Variants in SLC14A2 observed in about 807,000 individuals in gnomAD.
SLC14A2 encodes the protein solute carrier family 14 member 2, also known as urea transporter 2.
Under a neutral mutation model 104.6 loss-of-function variants are expected in SLC14A2, and 91 were observed. The ratio of observed to expected loss-of-function variants is 0.87; its 90% confidence interval spans 0.73 to 1.04. SLC14A2 has a LOEUF of 1.04. Ranked by LOEUF, SLC14A2 falls within the 50% of genes least tolerant of loss-of-function variation. The pLI is 0.00. For missense variants in SLC14A2, 1,189 were observed against 1,156.0 expected (o/e 1.03, Z -0.41); for synonymous variants, 476 against 466.4 (o/e 1.02, Z -0.27).
At position 45,422,912 on chromosome 18, in the gene SLC14A2, C is replaced by T. The variant is rs180897419; in HGVS notation, c.-124-60321C>T. 4.1e-3 allele frequency among the ~76,000 whole-genome samples: 631 copies of T among 152,220 alleles called. 2 individuals carry two copies. Among genetic ancestry groups the T allele is most frequent in the Non-Finnish European group, 8.0e-3 (542 of 68,010 alleles). ...ACTGCTGTCACATGTAGGCTTAGCC[C>T]GGCTCCCTCAGTGCTAATTTCTGCT... On this transcript the variant is annotated intron_variant, in intron 1 of 20. Coordinates refer to the SLC14A2 transcript ENST00000586448.
chr18:45,518,395 G>A (rs1392904816), intron 2 of SLC14A2, among the ~76,000 whole-genome samples: 1 of 76,034 alleles, frequency 1.3e-5, no homozygotes, highest in African/African-American at 4.3e-5. Flanking sequence ...GATAGCATTT[G>A]TCTTCATTCA....
chr18:45,268,735 G>T (rs961380537), intron 1 of SLC14A2, among the ~76,000 whole-genome samples: 1 of 150,042 alleles, frequency 6.7e-6, no homozygotes, highest in Non-Finnish European at 1.5e-5. Context: ...ATGGAGAAGG[G>T]TAGAGAGCTG....
chr18:45,439,434 A>G (rs2086648405), intron 1 of SLC14A2, among the ~76,000 whole-genome samples: 1 of 135,334 alleles, frequency 7.4e-6, no homozygotes, highest in African/African-American at 2.7e-5. Flanking sequence ...CATGCTATGT[A>G]TATATTCTGA....
At chr18:45,559,091 T>G (rs932030589) in intron 2 of SLC14A2, among the ~76,000 whole-genome samples, 1 of 152,082 alleles carries the variant, frequency 6.6e-6, no homozygotes, top group Non-Finnish European at 1.5e-5. Flanking sequence ...ACCTGGCCCC[T>G]TTGAGTTTCT....
intron 2 of SLC14A2, among the ~76,000 whole-genome samples, chr18:45,509,082 T>A (rs1447883358): frequency 6.6e-6 from 1 of 152,072 alleles, no homozygotes; most frequent in Non-Finnish European, 1.5e-5. Context: ...TAGCCAGTGG[T>A]ATTGCAAGCC....
At chr18:45,646,228 G>A (rs904833827) in intron 10 of SLC14A2, 3 of 152,204 alleles carry the variant, frequency 2.0e-5, no homozygotes, top group Non-Finnish European at 2.9e-5. Flanking sequence ...AAGAAAAACT[G>A]ATGACCCTTC....
chr18:45,374,885 T>A (rs2085757877), intron 1 of SLC14A2, among the ~76,000 whole-genome samples: 1 of 152,188 alleles, frequency 6.6e-6, no homozygotes, highest in Admixed American at 6.5e-5. Context: ...TGGCCATTTG[T>A]GAGTTAAGCT....
intron 1 of SLC14A2, among the ~76,000 whole-genome samples, chr18:45,623,792 A>AT (rs1568302690): frequency 1.3e-5 from 2 of 152,172 alleles, no homozygotes; most frequent in Non-Finnish European, 2.9e-5. Flanking sequence ...AGCAATGGGG[A>AT]AAGCTCTAGG....
chr18:45,366,018 A>C (rs897866660), intron 1 of SLC14A2, among the ~76,000 whole-genome samples: 1 of 152,060 alleles, frequency 6.6e-6, no homozygotes, highest in Admixed American at 6.6e-5. Flanking sequence ...AATCAACTTC[A>C]ATAAACTTAG....
intron 1 of SLC14A2, among the ~76,000 whole-genome samples, chr18:45,228,268 A>G (rs904815048): frequency 1.3e-5 from 2 of 152,230 alleles, no homozygotes; most frequent in African/African-American, 2.4e-5. Flanking sequence ...TGGTCAAATT[A>G]CTGTGACAGT....
intron 1 of SLC14A2, among the ~76,000 whole-genome samples, chr18:45,465,116 G>A (rs1035679181): frequency 2.6e-5 from 4 of 152,134 alleles, no homozygotes; most frequent in African/African-American, 9.7e-5. Flanking sequence ...ACCAGCTAAA[G>A]AGAGAAAAAA....
intron 1 of SLC14A2, among the ~76,000 whole-genome samples, chr18:45,289,782 A>G (rs2084851333): frequency 6.6e-6 from 1 of 152,178 alleles, no homozygotes; most frequent in African/African-American, 2.4e-5. Context: ...TCCTATAAGA[A>G]GTGCCAATGT....
At chr18:45,628,455 AAAAAG>A (rs1196041136) in intron 4 of SLC14A2, among the ~76,000 whole-genome samples, 6 of 151,918 alleles carry the variant, frequency 3.9e-5, no homozygotes, top group African/African-American at 1.5e-4. Flanking sequence ...AAAAAAAAAA[AAAAAG>A]AAAGAAAGAA....
At chr18:45,288,544 T>G (rs1036765222) in intron 1 of SLC14A2, among the ~76,000 whole-genome samples, 4 of 152,200 alleles carry the variant, frequency 2.6e-5, no homozygotes, top group Admixed American at 1.3e-4. Flanking sequence ...AGCGTGAATA[T>G]GCTTTCCTAC....
intron 1 of SLC14A2, among the ~76,000 whole-genome samples, chr18:45,281,515 A>G (rs1240532756): frequency 6.6e-6 from 1 of 152,180 alleles, no homozygotes; most frequent in Non-Finnish European, 1.5e-5. Context: ...ATAAGTTTAG[A>G]TATTTTTTGT....
intron 2 of SLC14A2, among the ~76,000 whole-genome samples, chr18:45,548,771 C>T (rs939739069): frequency 1.3e-5 from 2 of 152,176 alleles, no homozygotes; most frequent in Admixed American, 6.5e-5. Context: ...AACTCACTGC[C>T]CTTGCTGTAT....
intron 1 of SLC14A2, among the ~76,000 whole-genome samples, chr18:45,296,567 A>T (rs541491487): frequency 6.6e-6 from 1 of 152,324 alleles, no homozygotes; most frequent in East Asian, 1.9e-4. Context: ...GACCACCTCA[A>T]ACTACATGCT....
Position 45,437,173 on chromosome 18 carries a change from T to A in SLC14A2, c.-124-46060T>A, listed in dbSNP as rs141897158. Reference sequence around the variant, plus strand: ...TTTCATCTTTCCATTTCTCTCCGATTTTTATTGCCCTTTCAACATAGTGCT... The same window carrying A: ...TTTCATCTTTCCATTTCTCTCCGATATTTATTGCCCTTTCAACATAGTGCT... On this transcript the variant is annotated intron_variant, in intron 1 of 20. Transcript: ENST00000586448. Among the ~76,000 whole-genome samples the A allele has an allele frequency of 9.8e-3, 1,498 of 152,322 alleles. 16 individuals carry two copies. The highest frequency in any genetic ancestry group is 0.024 in the African/African-American group (997 of 41,568).
intron 1 of SLC14A2, chr18:45,213,213 A>AT (rs2083976904): frequency 6.6e-6 from 1 of 152,214 alleles, no homozygotes. Flanking sequence ...TGCATCATTT[A>AT]TAAGTCCATG....
Sources: allele counts gnomAD v4.1 joint callset (sites outside exome capture counted in the v4.1 genomes callset), GRCh38; gene constraint gnomAD v4.1.1; transcripts MANE v1.5; gene names NCBI Gene and HGNC (gene_info 2026-07-23, HGNC 2026-07-21).